The following PAX6 variants were observed in gnomAD, a reference collection of about 807,000 sequenced individuals.
PAX6 encodes paired box 6.
A neutral mutation model predicts 60.7 loss-of-function variants in PAX6; 7 were observed. The ratio of observed to expected loss-of-function variants is 0.12; its 90% confidence interval spans 0.07 to 0.22. PAX6 has a LOEUF of 0.22. Among genes scored for constraint, PAX6 ranks in the 10% least tolerant of loss-of-function variants. PAX6 has a pLI of 1.00. For missense variants in PAX6, 355 were observed against 555.2 expected (o/e 0.64, Z 3.62); for synonymous variants, 208 against 201.2 (o/e 1.03, Z -0.29).
At chr11:31,806,708 G>A (rs1228093730) in intron 3 of PAX6, 141 bp downstream of exon 3, 1 of 475,014 alleles carries the variant, frequency 2.1e-6, no homozygotes, top group Non-Finnish European at 3.7e-6. Context: ...TTCTTTAGCA[G>A]TTAACCCTTT....
chr11:31,816,860 C>A (rs1189282505), intron 1 of PAX6, among the ~76,000 whole-genome samples: 2 of 152,252 alleles, frequency 1.3e-5, no homozygotes, highest in East Asian at 3.9e-4. Context: ...GCCCCAAACT[C>A]CCGGGCGGGG....
chr11:31,798,613 G>A (rs1034620600), intron 8 of PAX6, among the ~76,000 whole-genome samples: 2 of 152,162 alleles, frequency 1.3e-5, no homozygotes, highest in Admixed American at 1.3e-4. Context: ...AACTAGGGGC[G>A]ACGGTCCTGT....
At chr11:31,807,436 A>G (rs999771309) in intron 2 of PAX6, 3 of 152,044 alleles carry the variant, frequency 2.0e-5, no homozygotes, top group African/African-American at 7.3e-5. Flanking sequence ...CACTCTGCTT[A>G]CCCTTTATCT....
At chr11:31,793,878 C>A (rs1405878016) in intron 10 of PAX6, 76 bp from the exon 11 acceptor site, 45 of 1,520,454 alleles carry the variant, frequency 3.0e-5, no homozygotes, top group Non-Finnish European at 4.0e-5. Flanking sequence ...CACTGCTGCC[C>A]TCCCCACGCC....
At chr11:31,813,705 A>C (rs956698186), upstream of PAX6, among the ~76,000 whole-genome samples, 2 of 152,174 alleles carry the variant, frequency 1.3e-5, no homozygotes, top group Admixed American at 6.5e-5. Context: ...CTCCGCACAA[A>C]CAAAAAACAA....
At chr11:31,810,360 C>T (rs1277037301) in intron 2 of PAX6, 1 of 152,556 alleles carries the variant, frequency 6.6e-6, no homozygotes, top group Non-Finnish European at 1.5e-5. Flanking sequence ...TCGGAGCGCC[C>T]GCTCTCTGCG....
rs1208417376 is a variant in PAX6 at position 31,806,427 on chromosome 11, G to A, written c.-16C>T. 1.2e-6 allele frequency: 2 copies of A among 1,609,222 alleles called. No individual in the cohort carries two copies. The highest frequency in any genetic ancestry group is 1.3e-5 in the African/African-American group (1 of 74,850). ...TGTTCTGCATGCTGGCTCTGGCTGGGGGCCGCGGGATTCCACGGGGCTCGA... is the reference window on the plus strand; with the variant it reads ...TGTTCTGCATGCTGGCTCTGGCTGGAGGCCGCGGGATTCCACGGGGCTCGA... On this transcript the variant is annotated 5_prime_UTR_variant, in exon 4 of 14. Coordinates refer to ENST00000640368, the MANE Select transcript of PAX6 (RefSeq NM_001368894.2).
At chr11:31,806,329 C>G (rs1385531164) in intron 4 of PAX6, 73 bp downstream of exon 4, 1 of 1,548,598 alleles carries the variant, frequency 6.5e-7, no homozygotes, top group African/African-American at 1.4e-5. Flanking sequence ...CGTCGCGAGT[C>G]CCTGTGTCCT....
At chr11:31,806,338 C>T in intron 4 of PAX6, 64 bp downstream of exon 4, 2 of 1,572,778 alleles carry the variant, frequency 1.3e-6, no homozygotes, top group Admixed American at 1.8e-5. Flanking sequence ...TCCCTGTGTC[C>T]TCCCCTGACC....
rs558806590 is a variant in PAX6, at chr11:31,789,785, C to T, written c.*149G>A. 5 of 751,642 alleles carry T rather than the reference C, an allele frequency of 6.7e-6. No homozygotes were observed. Among genetic ancestry groups the T allele is most frequent in the Non-Finnish European group, 1.2e-5 (5 of 421,414 alleles). 46.6% of individuals were successfully genotyped at this position (751,642 alleles called of 1,614,324 possible). ...CCTTGTTTCAAGTCCATTCCTTCCC[C>T]AGTGGTACAATACAGGACACAATTG... is the stretch of plus-strand genomic sequence containing the variant. On this transcript the variant is annotated 3_prime_UTR_variant, in exon 14 of 14. Transcript: ENST00000640368.
In PAX6 at chr11:31,790,860, G is replaced by A. The variant is rs1484443521; in HGVS notation, c.1075C>T (p.Pro359Ser). Residue 359 changes from proline to serine, a missense_variant and splice_region_variant, in exon 13 of 14, where the codon CCC (proline) becomes TCC (serine). Pro to Ser is a moderately conservative substitution (Grantham distance 74, BLOSUM62 -1). Transcript: ENST00000640368. ...FTMANNLPMQ[P>S]PVPSQTSSYS... ...GAGGAGGTCTGGCTGGGGACTGGGG[G>A]CTGTGAGGAGAGAGGCAAACCTGTG... is the stretch of plus-strand genomic sequence containing the variant. 1 of 1,613,982 alleles carries A rather than the reference G, an allele frequency of 6.2e-7. No individual in the cohort carries two copies. Among genetic ancestry groups the A allele is most frequent in the Middle Eastern group, 1.7e-4 (1 of 6,058 alleles).
At chr11:31,810,571 C>T (rs1956853571) in intron 2 of PAX6, 1 of 293,228 alleles carries the variant, frequency 3.4e-6, no homozygotes, top group Non-Finnish European at 6.3e-6. Context: ...CTGGCGCTGG[C>T]GCTGGCGCTG....
In PAX6 at chr11:31,802,500, G is replaced by C; in HGVS notation, c.141+204C>G. On this transcript the variant is annotated intron_variant, in intron 5 of 13. Transcript: ENST00000640368. ...AGCAGATGAGTTATCTTATGTAACT[G>C]ACCCAGGTTGAAAGAGATAGGGAAG... is the stretch of plus-strand genomic sequence containing the variant. 3 of 565,236 alleles carry C rather than the reference G, an allele frequency of 5.3e-6. No individual in the cohort carries two copies. The South Asian group carries it at 7.5e-5, about 14-fold the overall frequency. 35.0% of individuals were successfully genotyped at this position (565,236 alleles called of 1,614,324 possible).
At position 31,810,845 on chromosome 11, in the gene PAX6, T is replaced by A. The variant is rs1956925788; in HGVS notation, c.-146A>T. ...GGACTCACCTTTATGAGGCATCCTTTCTGGTTGTCACAGCTTCTGTCAAGA... is the reference window on the plus strand; with the variant it reads ...GGACTCACCTTTATGAGGCATCCTTACTGGTTGTCACAGCTTCTGTCAAGA... On this transcript the variant is annotated 5_prime_UTR_variant, in exon 2 of 14. Transcript: ENST00000640368. The A allele has an allele frequency of 2.5e-6, 1 of 399,056 alleles. No homozygotes were observed. The highest frequency in any genetic ancestry group is 4.4e-5 in the Admixed American group (1 of 22,720). The allele number at this position is 399,056 out of a possible 1,614,324, so 24.7% of individuals were successfully genotyped here.
At chr11:31,796,119 G>T (rs972618948) in intron 8 of PAX6, among the ~76,000 whole-genome samples, 17 of 152,200 alleles carry the variant, frequency 1.1e-4, no homozygotes, top group Non-Finnish European at 2.5e-4. Flanking sequence ...ATTTAAACAG[G>T]CGGATTCATC....
chr11:31,794,737 G>C lies in PAX6; in HGVS notation c.617C>G (p.Ser206Cys). The C allele has an allele frequency of 6.2e-7, 1 of 1,614,064 alleles. No individual in the cohort carries two copies. Among genetic ancestry groups the C allele is most frequent in the Non-Finnish European group, 8.5e-7 (1 of 1,179,992 alleles). ...AGCCTCATCTGAATCTTCTCCGTTGGAACTGATGGAGTTGGTATTCTCTCC... is the reference window on the plus strand; with the variant it reads ...AGCCTCATCTGAATCTTCTCCGTTGCAACTGATGGAGTTGGTATTCTCTCC... ...GGGENTNSIS[S>C]NGEDSDEAQM... Residue 206 changes from serine to cysteine, a missense_variant, in exon 9 of 14, where the codon TCC (serine) becomes TGC (cysteine). By Grantham distance (112) the Ser-to-Cys change is moderately radical. Transcript: ENST00000640368.
At chr11:31,800,286 A>G (rs1953218631) in intron 8 of PAX6, among the ~76,000 whole-genome samples, 1 of 152,188 alleles carries the variant, frequency 6.6e-6, no homozygotes, top group South Asian at 2.1e-4. Flanking sequence ...CAATTACAGC[A>G]AAAAGCAACA....
At chr11:31,810,426 C>T (rs1192700316) in intron 2 of PAX6, 3 of 156,286 alleles carry the variant, frequency 1.9e-5, no homozygotes, top group Non-Finnish European at 4.2e-5. Context: ...TCTCTGCGGC[C>T]GTTCCAGGGC....
intron 2 of PAX6, chr11:31,808,471 C>T (rs1290519502): frequency 2.0e-5 from 3 of 152,170 alleles, no homozygotes; most frequent in Admixed American, 2.0e-4. Flanking sequence ...TGCAAAATAC[C>T]CCACCCCAAC....
Sources: allele counts gnomAD v4.1 joint callset (sites outside exome capture counted in the v4.1 genomes callset), GRCh38; gene constraint gnomAD v4.1.1; transcripts MANE v1.5; gene names NCBI Gene and HGNC (gene_info 2026-07-23, HGNC 2026-07-21).